Variants in PRKN observed in about 807,000 individuals in gnomAD.
PRKN encodes the protein parkin RBR E3 ubiquitin protein ligase.
A neutral mutation model predicts 59.5 loss-of-function variants in PRKN; 56 were observed. The ratio of observed to expected loss-of-function variants is 0.94; its 90% CI spans 0.76 to 1.18. PRKN has a LOEUF of 1.18. Ranked by LOEUF, PRKN falls within the 50% of genes most tolerant of loss-of-function variation. The pLI, the probability that PRKN is intolerant of heterozygous loss-of-function variation, is 0.00. For synonymous variants in PRKN, 250 were observed against 222.1 expected, an observed-to-expected ratio of 1.13 and a Z score of -1.12; for missense variants, 657 against 596.4, an observed-to-expected ratio of 1.10 and a Z score of -1.06.
chr6:161,874,171 A>AT (rs1794506708), intron 6 of PRKN, among the ~76,000 whole-genome samples: 1 of 56,650 alleles, frequency 1.8e-5, no homozygotes, highest in African/African-American at 9.0e-5. Context: ...TATAATATAT[A>AT]ATATATATTA....
Position 161,593,353 on chromosome 6 carries a change from AG to A in PRKN, c.872-23938del, listed in dbSNP as rs957577631. The stretch of plus-strand genomic sequence containing the variant: ...TGGATGAGGACAGTGAGGCAGGGAA[AG>A]GTGCATAAACCTGCCCAGTGTCACA... On this transcript the variant is annotated intron_variant, in intron 7 of 11. Transcript: ENST00000366898. This position sits in a 1 kb window ranked among gnomAD's most constrained non-coding sequence, Gnocchi z 4.8. Among the ~76,000 whole-genome samples the A allele has an allele frequency of 2.0e-5, 3 of 152,196 alleles. No homozygotes were observed. Among genetic ancestry groups the A allele is most frequent in the Non-Finnish European group, 2.9e-5 (2 of 68,032 alleles).
chr6:161,411,815 A>C (rs1787556122), intron 9 of PRKN, among the ~76,000 whole-genome samples: 1 of 133,148 alleles, frequency 7.5e-6, no homozygotes, highest in Non-Finnish European at 1.6e-5. Flanking sequence ...TCATTCCTCC[A>C]CTCATTCATT....
At chr6:162,571,696 G>C (rs1780335402) in intron 1 of PRKN, among the ~76,000 whole-genome samples, 1 of 152,122 alleles carries the variant, frequency 6.6e-6, no homozygotes, top group Non-Finnish European at 1.5e-5. Context: ...GGAGCCAGGA[G>C]CAAGGTGCCT....
At chr6:162,518,685 G>A (rs73037947) in intron 1 of PRKN, among the ~76,000 whole-genome samples, 12,584 of 152,166 alleles carry the variant, frequency 0.083, 563 homozygotes, top group South Asian at 0.17. Flanking sequence ...TAAATAATGA[G>A]AAGCAAATAG....
intron 6 of PRKN, among the ~76,000 whole-genome samples, chr6:161,786,746 G>A (rs989942652): frequency 1.3e-5 from 2 of 152,030 alleles, no homozygotes; most frequent in African/African-American, 4.8e-5. Flanking sequence ...GTAGAATTTA[G>A]GGATAAAAGG....
intron 4 of PRKN, among the ~76,000 whole-genome samples, chr6:162,060,794 T>C (rs558418458): frequency 2.4e-4 from 36 of 152,344 alleles, no homozygotes; most frequent in African/African-American, 7.9e-4. Context: ...TAGAAAACCA[T>C]GGCATTTACA....
intron 1 of PRKN, among the ~76,000 whole-genome samples, chr6:162,718,311 G>A (rs1030540074): frequency 1.3e-5 from 2 of 152,184 alleles, no homozygotes; most frequent in East Asian, 3.9e-4. Flanking sequence ...TGATTAAATT[G>A]GCTGCAAAAG....
rs1481192845 is a variant in PRKN at position 161,393,495 on chromosome 6, T to C, written c.1084-6618A>G. Among the ~76,000 whole-genome samples the C allele has an allele frequency of 1.3e-5, 2 of 152,150 alleles. No individual in the cohort carries two copies. Among genetic ancestry groups the C allele is most frequent in the African/African-American group, 4.8e-5 (2 of 41,384 alleles). ...ACCAGAGAGCTATGTGAATGGCCCA[T>C]CATGCCTCTCATTCAATATCATGTC... On this transcript the variant is annotated intron_variant, in intron 9 of 11. Transcript: ENST00000366898. The surrounding 1 kb of genome is among the most constrained non-coding windows in gnomAD (Gnocchi z 4.7).
At chr6:162,084,167 CATAAAAT>C (rs1779165858) in intron 4 of PRKN, among the ~76,000 whole-genome samples, 1 of 152,050 alleles carries the variant, frequency 6.6e-6, no homozygotes, top group African/African-American at 2.4e-5. Context: ...TCTTTCCAAA[CATAAAAT>C]ATAATATTAG....
intron 9 of PRKN, among the ~76,000 whole-genome samples, chr6:161,453,121 C>T (rs1394764083): frequency 1.3e-5 from 2 of 152,150 alleles, no homozygotes; most frequent in African/African-American, 4.8e-5. Context: ...TTCCCACAAT[C>T]TATTTGATGA....
At chr6:161,914,532 G>A (rs1014761984) in intron 6 of PRKN, among the ~76,000 whole-genome samples, 2 of 151,628 alleles carry the variant, frequency 1.3e-5, no homozygotes, top group Admixed American at 6.6e-5. Context: ...TTTTTTTAAC[G>A]TGAAACATGT....
chr6:161,667,891 A>G (rs1784778845), intron 7 of PRKN, among the ~76,000 whole-genome samples: 3 of 152,152 alleles, frequency 2.0e-5, no homozygotes, highest in South Asian at 4.1e-4. Flanking sequence ...AAAACCTGGG[A>G]GGGTTTATTT....
intron 1 of PRKN, among the ~76,000 whole-genome samples, chr6:162,597,395 T>G (rs1217484179): frequency 1.3e-5 from 2 of 152,188 alleles, no homozygotes; most frequent in Non-Finnish European, 2.9e-5. Context: ...AAAATGAACA[T>G]TGAAAATGGC....
At chr6:162,306,227 A>G (rs1471760928) in intron 2 of PRKN, among the ~76,000 whole-genome samples, 2 of 152,208 alleles carry the variant, frequency 1.3e-5, no homozygotes, top group Non-Finnish European at 2.9e-5. Flanking sequence ...TACAATGGTC[A>G]GAGATGGCCT....
At chr6:162,278,934 C>A (rs1423265807) in intron 2 of PRKN, among the ~76,000 whole-genome samples, 1 of 152,024 alleles carries the variant, frequency 6.6e-6, no homozygotes, top group Non-Finnish European at 1.5e-5. Flanking sequence ...AAAGGTTGTA[C>A]AGATATTTGC....
rs1790894526 is a variant in PRKN, at chr6:161,473,474, C to T, written c.1083+75380G>A. Among the ~76,000 whole-genome samples, 1 of 151,078 alleles carries T rather than the reference C, an allele frequency of 6.6e-6. No individual in the cohort carries two copies. Among genetic ancestry groups the T allele is most frequent in the South Asian group, 2.1e-4 (1 of 4,796 alleles). On this transcript the variant is annotated intron_variant, in intron 9 of 11. Coordinates refer to ENST00000366898, the MANE Select transcript of PRKN (RefSeq NM_004562.3). The surrounding 1 kb of genome is among the most constrained non-coding windows in gnomAD (Gnocchi z 4.1). ...ATTATGCTAAGTGAACTGAGCCAGA[C>T]ACAGGAAAAAGTACTGCATGATCTT...
chr6:162,462,253 C>T (rs368174529), intron 1 of PRKN, among the ~76,000 whole-genome samples: 4 of 152,246 alleles, frequency 2.6e-5, no homozygotes, highest in African/African-American at 9.6e-5. Flanking sequence ...AGGAAAATGT[C>T]AAAATATCTA....
chr6:161,611,320 G>T (rs1479416450), intron 7 of PRKN, among the ~76,000 whole-genome samples: 2 of 152,176 alleles, frequency 1.3e-5, no homozygotes, highest in Non-Finnish European at 2.9e-5. Flanking sequence ...TCTTCTTCTT[G>T]TGTGTCACTT....
intron 7 of PRKN, among the ~76,000 whole-genome samples, chr6:161,670,733 A>G (rs9365314): frequency 0.079 from 12,039 of 152,088 alleles, 618 homozygotes; most frequent in Middle Eastern, 0.18. Context: ...GGAGAATGGC[A>G]TGAACCCGGG....
Sources: gnomAD v4.1 joint callset for allele counts (sites outside exome capture counted in the v4.1 genomes callset) on GRCh38, gnomAD v4.1.1 for gene constraint, Gnocchi (gnomAD v3.1) non-coding constraint, MANE v1.5 for transcripts, NCBI Gene and HGNC (gene_info 2026-07-23, HGNC 2026-07-21) for gene names.